MEIG1: variants seen among roughly 807,000 people sequenced by gnomAD.
MEIG1 encodes the protein meiosis expressed gene 1 protein homolog.
Under a neutral mutation model 11.3 loss-of-function variants are expected in MEIG1, and 12 were observed. The ratio of observed to expected loss-of-function variants is 1.07; its 90% CI spans 0.68 to 1.73. The LOEUF is 1.73. Among genes scored for constraint, MEIG1 ranks in the 40% most tolerant of loss-of-function variants. MEIG1 has a pLI of 0.00. For missense variants in MEIG1, 119 were observed against 104.9 expected (o/e 1.13, Z -0.59); for synonymous variants, 41 against 33.2 (o/e 1.24, Z -0.81).
intron 1 of MEIG1, among the ~76,000 whole-genome samples, chr10:14,983,903 A>G (rs1462128721): frequency 6.6e-6 from 1 of 151,978 alleles, no homozygotes; most frequent in Non-Finnish European, 1.5e-5. Flanking sequence ...TGTTACTTTC[A>G]ATATCGCATG....
At chr10:14,971,268 A>AAAAAAGATT (rs1420600470) in intron 2 of MEIG1, among the ~76,000 whole-genome samples, 2 of 150,456 alleles carry the variant, frequency 1.3e-5, no homozygotes, top group Non-Finnish European at 3.0e-5. Flanking sequence ...AAGAAATTAA[A>AAAAAAGATT]AAAAAGATTT....
intron 1 of MEIG1, among the ~76,000 whole-genome samples, chr10:14,986,533 T>C (rs946503829): frequency 6.6e-6 from 1 of 152,134 alleles, no homozygotes; most frequent in Non-Finnish European, 1.5e-5. Context: ...ATTATCCACT[T>C]GTCTTCATTC....
At position 14,965,675 on chromosome 10, in the gene MEIG1, T is replaced by TGAGAGAGAGAGAGAGA. The variant is rs749211535; in HGVS notation, c.-29-739_-29-724dup. 3.0e-3 allele frequency among the ~76,000 whole-genome samples: 308 copies of TGAGAGAGAGAGAGAGA among 101,108 alleles called. 14 individuals are homozygous for TGAGAGAGAGAGAGAGA. The East Asian group carries it at 0.041, about 14-fold the overall frequency. The allele number at this position is 101,108 out of a possible 152,430, so 66.3% of individuals were successfully genotyped here. ...GAAGACGGGTCTTACATTCCCTTTT[T>TGAGAGAGAGAGAGAGA]GAGAGAGAGAGAGAGAGAGAGAGAG... On this transcript the variant is annotated intron_variant, in intron 1 of 2. Coordinates refer to ENST00000407572, the MANE Select transcript of MEIG1 (RefSeq NM_001080836.3).
the MEIG1 span, chr10:14,954,369 G>C: frequency 8.5e-3 from 3,230 of 380,286 alleles, 67 homozygotes; most frequent in South Asian, 0.042. Context: ...TCCCAGAGCA[G>C]GTGGCCCCAG....
chr10:14,972,623 G>C lies in MEIG1; in HGVS notation c.249G>C (p.Val83=). ...GTGATGACAAAGAAGTCCACAAAGT[G>C]AAAATTTATGCTTACTAGCCTGTCT... ...RECDDKEVHK[V]KIYAY Residue 83 remains valine, a synonymous_variant, in exon 3 of 3, where the codon GTG becomes GTC. Transcript: ENST00000407572. The C allele has an allele frequency of 6.2e-7, 1 of 1,611,028 alleles. No homozygotes were observed. Among genetic ancestry groups the C allele is most frequent in the South Asian group, 1.1e-5 (1 of 90,270 alleles).
At chr10:14,984,975 C>A (rs1352181123) in intron 1 of MEIG1, among the ~76,000 whole-genome samples, 2 of 152,110 alleles carry the variant, frequency 1.3e-5, no homozygotes, top group South Asian at 2.1e-4. Flanking sequence ...AATATCCTAG[C>A]GGGAGTTCAC....
intron 1 of MEIG1, among the ~76,000 whole-genome samples, chr10:14,960,183 A>G (rs1037786600): frequency 6.6e-6 from 1 of 152,208 alleles, no homozygotes; most frequent in African/African-American, 2.4e-5. Flanking sequence ...GCCTAAGGTT[A>G]CGTGCTGGTT....
Position 14,972,672 on chromosome 10 carries a change from A to AT in MEIG1, c.*35dup, listed in dbSNP as rs747965846. On this transcript the variant is annotated 3_prime_UTR_variant, in exon 3 of 3. Transcript: ENST00000407572. ...CTTCTTTGTATTACTTGTCAATTAT[A>AT]TTTTAAGTATTCATCATTTCCTTCT... is the stretch of plus-strand genomic sequence containing the variant. 3.9e-6 allele frequency: 6 copies of AT among 1,536,950 alleles called. No individual in the cohort carries two copies. Among genetic ancestry groups the AT allele is most frequent in the Non-Finnish European group, 2.6e-6 (3 of 1,138,052 alleles).
Position 14,986,747 on chromosome 10 carries a change from C to A in MEIG1, n.67-49C>A, listed in dbSNP as rs145225135. 53 of 328,382 alleles carry A rather than the reference C, an allele frequency of 1.6e-4. No homozygotes were observed. In the East Asian group the frequency reaches 4.3e-3, roughly 27 times the overall value. The allele number at this position is 328,382 out of a possible 1,614,324, so 20.3% of individuals were successfully genotyped here. ...GCCTCGGCCCTGCGAATAGCTGAGA[C>A]TACAGGCAGGCGTCACCAAGCCTGA... On this transcript the variant is annotated intron_variant and non_coding_transcript_variant, in intron 1 of 2. Transcript: ENST00000467536.
At chr10:14,974,605 G>A (rs1303551321), downstream of MEIG1, among the ~76,000 whole-genome samples, 2 of 151,874 alleles carry the variant, frequency 1.3e-5, no homozygotes, top group East Asian at 1.9e-4. Context: ...GCGATTAATG[G>A]TATCAATTAT....
intron 1 of MEIG1, among the ~76,000 whole-genome samples, chr10:14,966,197 G>C (rs1056621635): frequency 3.3e-5 from 5 of 151,522 alleles, no homozygotes; most frequent in Non-Finnish European, 7.4e-5. Context: ...CCCAGTAGCT[G>C]GGATGACAGG....
intron 1 of MEIG1, among the ~76,000 whole-genome samples, chr10:14,986,169 T>TA (rs1406577553): frequency 6.6e-6 from 1 of 152,066 alleles, no homozygotes; most frequent in Non-Finnish European, 1.5e-5. Context: ...AACCATGAAA[T>TA]ACAACATTAG....
At chr10:14,979,939 T>C (rs996840443) in intron 1 of MEIG1, among the ~76,000 whole-genome samples, 1 of 152,100 alleles carries the variant, frequency 6.6e-6, no homozygotes, top group African/African-American at 2.4e-5. Context: ...TGAAATTATT[T>C]GTAGTAATCC....
intron 2 of MEIG1, among the ~76,000 whole-genome samples, chr10:14,967,088 A>C (rs905422296): frequency 1.3e-5 from 2 of 152,092 alleles, no homozygotes; most frequent in Admixed American, 6.6e-5. Context: ...TTGCAGGCAG[A>C]GTGGGAGAAG....
chr10:14,972,352 G>T (rs531469203), intron 2 of MEIG1, among the ~76,000 whole-genome samples, 161 bp from the exon 3 acceptor site: 1 of 152,288 alleles, frequency 6.6e-6, no homozygotes, highest in Non-Finnish European at 1.5e-5. Flanking sequence ...TGCAATGTAA[G>T]ATGTGTCTTG....
chr10:14,958,629 G>C (rs758947873), upstream of MEIG1, among the ~76,000 whole-genome samples: 12 of 152,192 alleles, frequency 7.9e-5, no homozygotes, highest in Non-Finnish European at 1.8e-4. Flanking sequence ...GGGCGCGGTG[G>C]CTCACGCCTG....
At chr10:14,974,736 T>A (rs1194014047), downstream of MEIG1, among the ~76,000 whole-genome samples, 4 of 152,144 alleles carry the variant, frequency 2.6e-5, no homozygotes, top group African/African-American at 7.2e-5. Context: ...ATGATTAATA[T>A]TAATGATTAA....
chr10:14,961,528 T>C lies in MEIG1; in HGVS notation c.-30+1971T>C, dbSNP rs145959407. 7.0e-3 allele frequency among the ~76,000 whole-genome samples: 1,072 copies of C among 152,150 alleles called. 37 individuals are homozygous for C. The highest frequency in any genetic ancestry group is 0.061 in the Admixed American group (935 of 15,258). ...CTCTGTCACCCAGGCTGGAGTGCAGTGGTGCGATCTTGGCTCACCGCAACC... is the reference window on the plus strand; with the variant it reads ...CTCTGTCACCCAGGCTGGAGTGCAGCGGTGCGATCTTGGCTCACCGCAACC... On this transcript the variant is annotated intron_variant, in intron 1 of 2. Coordinates refer to ENST00000407572, the MANE Select transcript of MEIG1 (RefSeq NM_001080836.3).
intron 1 of MEIG1, among the ~76,000 whole-genome samples, chr10:14,980,707 C>A (rs1385157041): frequency 6.6e-6 from 1 of 152,112 alleles, no homozygotes; most frequent in Non-Finnish European, 1.5e-5. Flanking sequence ...AGGTCTCGAG[C>A]CAACGCCTCA....
Sources: gnomAD v4.1 joint callset for allele counts (sites outside exome capture counted in the v4.1 genomes callset) on GRCh38, gnomAD v4.1.1 for gene constraint, MANE v1.5 for transcripts, NCBI Gene and HGNC (gene_info 2026-07-23, HGNC 2026-07-21) for gene names.